The following ADAMTSL1 variants were observed in gnomAD, a reference collection of about 807,000 sequenced individuals.
ADAMTSL1 encodes ADAMTS like 1, also known as ADAMTS-like protein 1.
A neutral mutation model predicts 201.8 loss-of-function variants in ADAMTSL1; 126 were observed. The ratio of observed to expected loss-of-function variants is 0.62; its 90% CI spans 0.54 to 0.72. ADAMTSL1 has a LOEUF of 0.72. ADAMTSL1 is among the 30% of genes least tolerant of loss of function. The pLI is 0.00. For missense variants in ADAMTSL1, 2,679 were observed against 2,277.8 expected, an observed-to-expected ratio of 1.18 and a Z score of -3.59; for synonymous variants, 1,121 against 903.4, an observed-to-expected ratio of 1.24 and a Z score of -4.32.
At chr9:18,430,196 G>A (rs1232200052) in intron 2 of ADAMTSL1, among the ~76,000 whole-genome samples, 1 of 152,188 alleles carries the variant, frequency 6.6e-6, no homozygotes, top group Non-Finnish European at 1.5e-5. Context: ...CCAGAGTTGG[G>A]CCTGAGATTG....
intron 23 of ADAMTSL1, among the ~76,000 whole-genome samples, chr9:18,863,368 C>T (rs137866629): frequency 6.6e-6 from 1 of 152,300 alleles, no homozygotes; most frequent in East Asian, 1.9e-4. Flanking sequence ...TACCCCCTGC[C>T]AACGGAAACC....
At chr9:18,242,081 C>A (rs749116262) in intron 2 of ADAMTSL1, among the ~76,000 whole-genome samples, 19 of 152,108 alleles carry the variant, frequency 1.2e-4, no homozygotes, top group Non-Finnish European at 2.4e-4. Flanking sequence ...TAAGCCAATT[C>A]TCTGATGAAC....
At chr9:18,267,740 TC>T (rs1181638609) in intron 2 of ADAMTSL1, among the ~76,000 whole-genome samples, 2 of 142,886 alleles carry the variant, frequency 1.4e-5, no homozygotes, top group Non-Finnish European at 3.0e-5. Flanking sequence ...TTTCTATATT[TC>T]TCAGGTTACT....
intron 23 of ADAMTSL1, among the ~76,000 whole-genome samples, chr9:18,853,713 A>G (rs1826649898): frequency 6.6e-6 from 1 of 152,226 alleles, no homozygotes; most frequent in Non-Finnish European, 1.5e-5. Flanking sequence ...GGCAGTTTGG[A>G]GGCAAAAGGC....
rs545016486 is a variant in ADAMTSL1 at position 18,113,564 on chromosome 9, C to G, written c.88-50298C>G. The stretch of plus-strand genomic sequence containing the variant: ...CGAGAGCTTCTAGATCTCAAGGTAC[C>G]AATAACAAAGCATTCAGTTTGAGGG... On this transcript the variant is annotated intron_variant, in intron 1 of 29. Transcript: ENST00000680146. 1.3e-4 allele frequency among the ~76,000 whole-genome samples: 20 copies of G among 152,094 alleles called. No individual in the cohort carries two copies. In the South Asian group the frequency reaches 4.2e-3, roughly 32 times the overall value.
intron 9 of ADAMTSL1, among the ~76,000 whole-genome samples, chr9:18,672,326 T>C (rs938395811): frequency 1.3e-5 from 2 of 152,218 alleles, no homozygotes; most frequent in Admixed American, 6.5e-5. Flanking sequence ...CCAAAGTTTC[T>C]GTCTTTTCTT....
chr9:18,670,369 G>T (rs1199450739), intron 9 of ADAMTSL1, among the ~76,000 whole-genome samples: 1 of 152,176 alleles, frequency 6.6e-6, no homozygotes, highest in African/African-American at 2.4e-5. Context: ...CCAATGAAAA[G>T]ATACAGAGGT....
At chr9:18,352,619 T>C (rs1485124140) in intron 2 of ADAMTSL1, among the ~76,000 whole-genome samples, 1 of 152,222 alleles carries the variant, frequency 6.6e-6, no homozygotes, top group Non-Finnish European at 1.5e-5. Context: ...TTTGCCTTTG[T>C]ACTTTATTAA....
chr9:18,047,632 T>C (rs898968923), intron 1 of ADAMTSL1, among the ~76,000 whole-genome samples: 1 of 152,066 alleles, frequency 6.6e-6, no homozygotes, highest in Non-Finnish European at 1.5e-5. Flanking sequence ...GGTGGGGTGA[T>C]GACACTGGTT....
At chr9:18,729,029 G>A (rs997633376) in intron 15 of ADAMTSL1, among the ~76,000 whole-genome samples, 6 of 152,208 alleles carry the variant, frequency 3.9e-5, no homozygotes, top group African/African-American at 1.4e-4. Flanking sequence ...AATAAATAGT[G>A]TGCTCTGTGT....
intron 2 of ADAMTSL1, among the ~76,000 whole-genome samples, chr9:18,166,218 G>C (rs1279695010): frequency 6.6e-6 from 1 of 151,902 alleles, no homozygotes; most frequent in East Asian, 1.9e-4. Context: ...GACCTCTGTT[G>C]ATTCTCAGGT....
chr9:18,305,807 G>A (rs953736642), intron 2 of ADAMTSL1, among the ~76,000 whole-genome samples: 3 of 152,212 alleles, frequency 2.0e-5, no homozygotes, highest in African/African-American at 7.2e-5. Flanking sequence ...GTTCCTGCCT[G>A]TTGGCCTTGA....
At chr9:18,003,731 GA>G (rs1819703475) in intron 1 of ADAMTSL1, among the ~76,000 whole-genome samples, 1 of 152,042 alleles carries the variant, frequency 6.6e-6, no homozygotes, top group Non-Finnish European at 1.5e-5. Flanking sequence ...TCAACATCCA[GA>G]ATATTTCAAA....
At chr9:18,121,783 C>G (rs963969693) in intron 1 of ADAMTSL1, among the ~76,000 whole-genome samples, 1 of 152,118 alleles carries the variant, frequency 6.6e-6, no homozygotes, top group Admixed American at 6.6e-5. Context: ...AACAGAAATT[C>G]TGAAATTGTG....
At chr9:18,056,563 G>A (rs1360232) in intron 1 of ADAMTSL1, among the ~76,000 whole-genome samples, 94,507 of 151,960 alleles carry the variant, frequency 0.62, 29,624 homozygotes, top group South Asian at 0.7. Flanking sequence ...ATTTGTTGGC[G>A]AGGTATATTT....
At chr9:18,882,523 G>A (rs1168389446) in intron 23 of ADAMTSL1, among the ~76,000 whole-genome samples, 2 of 152,124 alleles carry the variant, frequency 1.3e-5, no homozygotes, top group African/African-American at 2.4e-5. Context: ...AGGGTTGGAG[G>A]GTATAGGTGC....
At chr9:18,865,443 T>C (rs1055128674) in intron 23 of ADAMTSL1, among the ~76,000 whole-genome samples, 3 of 152,312 alleles carry the variant, frequency 2.0e-5, no homozygotes, top group Non-Finnish European at 4.4e-5. Context: ...TCTATCGTTG[T>C]TGGACATTTG....
intron 1 of ADAMTSL1, among the ~76,000 whole-genome samples, chr9:18,126,859 T>C (rs1228647413): frequency 6.6e-6 from 1 of 152,190 alleles, no homozygotes; most frequent in Non-Finnish European, 1.5e-5. Context: ...AAAACCCAGA[T>C]TGCAACAAAT....
chr9:18,213,743 T>A (rs1052071045), intron 2 of ADAMTSL1, among the ~76,000 whole-genome samples: 2 of 151,530 alleles, frequency 1.3e-5, no homozygotes, highest in Non-Finnish European at 2.9e-5. Context: ...GTCCAAATAA[T>A]TTTTTTTTGT....
Sources: gnomAD v4.1 joint callset for allele counts (sites outside exome capture counted in the v4.1 genomes callset) on GRCh38, gnomAD v4.1.1 for gene constraint, MANE v1.5 for transcripts, NCBI Gene and HGNC (gene_info 2026-07-23, HGNC 2026-07-21) for gene names.